The following CAP2 variants were observed in gnomAD, a reference collection of about 807,000 sequenced individuals.
CAP2 encodes the protein cyclase associated actin cytoskeleton regulatory protein 2, also known as adenylyl cyclase-associated protein 2.
CAP2 carries 24 observed loss-of-function variants against 57.7 expected under a neutral mutation model. That is an observed-to-expected ratio of 0.42 (90% CI 0.30 to 0.58). CAP2 has a LOEUF of 0.58. Among genes scored for constraint, CAP2 ranks in the 20% least tolerant of loss-of-function variants. The probability of loss-of-function intolerance (pLI) is 0.22; values close to 1 mark genes in which losing one functional copy is unlikely to be tolerated. For synonymous variants in CAP2, 194 were observed against 207.2 expected, an observed-to-expected ratio of 0.94 and a Z score of 0.55; for missense variants, 501 against 590.3, an observed-to-expected ratio of 0.85 and a Z score of 1.57.
At chr6:17,423,104 T>G (rs1561777840) in intron 2 of CAP2, among the ~76,000 whole-genome samples, 1 of 152,192 alleles carries the variant, frequency 6.6e-6, no homozygotes, top group Admixed American at 6.5e-5. Context: ...CAGGTTTTTT[T>G]GGGCTGAGAA....
chr6:17,461,936 T>C (rs1174054013), intron 3 of CAP2, among the ~76,000 whole-genome samples: 1 of 127,442 alleles, frequency 7.8e-6, no homozygotes, highest in Non-Finnish European at 1.5e-5. Flanking sequence ...GAGCTTGCAG[T>C]GAGCTGAGAT....
rs114351181 is a variant in CAP2 at position 17,503,320 on chromosome 6, C to G, written c.301-3849C>G. On this transcript the variant is annotated intron_variant, in intron 4 of 12. Coordinates refer to ENST00000229922, the MANE Select transcript of CAP2 (RefSeq NM_006366.3). Reference sequence around the variant, plus strand: ...TTCATCTCCTCTTCTTATAAAGACACCAGTCAGGCCGGGTGCCATAGCTCA... The same window carrying G: ...TTCATCTCCTCTTCTTATAAAGACAGCAGTCAGGCCGGGTGCCATAGCTCA... Among the ~76,000 whole-genome samples, 1,438 of 152,218 alleles carry G rather than the reference C, an allele frequency of 9.4e-3. 24 individuals carry two copies. The highest frequency in any genetic ancestry group is 0.032 in the African/African-American group (1,349 of 41,530).
In CAP2 at chr6:17,406,398, C is replaced by CTTT. The variant is rs777803474; in HGVS notation, c.-2+12665_-2+12667dup. On this transcript the variant is annotated intron_variant, in intron 1 of 12. Transcript: ENST00000229922. ...CTTTTCTGTCAGTAAGCCCAGATTT[C>CTTT]TTTTTTTTTTTTTTTGAGGCAGTCT... is the stretch of plus-strand genomic sequence containing the variant. 3.5e-4 allele frequency among the ~76,000 whole-genome samples: 36 copies of CTTT among 102,478 alleles called. 2 individuals are homozygous for CTTT. Among genetic ancestry groups the CTTT allele is most frequent in the Middle Eastern group, 9.5e-3 (2 of 210 alleles). 67.2% of individuals were successfully genotyped at this position (102,478 alleles called of 152,430 possible). A position where few individuals can be genotyped will look rare whatever the true frequency, so the allele number is the denominator to read the frequency against.
chr6:17,438,942 C>T (rs972444573), intron 3 of CAP2, among the ~76,000 whole-genome samples: 1 of 150,246 alleles, frequency 6.7e-6, no homozygotes, highest in African/African-American at 2.5e-5. Context: ...GAAACCCCGT[C>T]TCTACTAAAA....
At chr6:17,462,815 G>A (rs60962838) in intron 3 of CAP2, among the ~76,000 whole-genome samples, 181 bp from the exon 4 acceptor site, 15,724 of 152,098 alleles carry the variant, frequency 0.1, 2,601 homozygotes, top group African/African-American at 0.35. Flanking sequence ...ATGGATATTC[G>A]GGTTGTTCCC....
chr6:17,536,610 T>C (rs1762780537), intron 7 of CAP2, among the ~76,000 whole-genome samples: 1 of 152,226 alleles, frequency 6.6e-6, no homozygotes, highest in Admixed American at 6.5e-5. Flanking sequence ...CAGTGTCCTT[T>C]AATGGCTCTT....
At chr6:17,492,176 A>G (rs1761559330) in intron 4 of CAP2, among the ~76,000 whole-genome samples, 1 of 152,336 alleles carries the variant, frequency 6.6e-6, no homozygotes, top group African/African-American at 2.4e-5. Flanking sequence ...AATCTTCTAT[A>G]ATCAACCATG....
At chr6:17,534,341 C>A (rs556776323) in intron 7 of CAP2, among the ~76,000 whole-genome samples, 1 of 152,282 alleles carries the variant, frequency 6.6e-6, no homozygotes, top group African/African-American at 2.4e-5. Flanking sequence ...CAGATCCAAC[C>A]ATATAGCTTG....
At chr6:17,431,864 A>C (rs971884198) in intron 3 of CAP2, among the ~76,000 whole-genome samples, 2 of 152,050 alleles carry the variant, frequency 1.3e-5, no homozygotes, top group African/African-American at 4.8e-5. Flanking sequence ...TCGGTTTCCA[A>C]ATGAAGAGCT....
At chr6:17,405,978 C>T (rs185714723) in intron 1 of CAP2, among the ~76,000 whole-genome samples, 1 of 152,080 alleles carries the variant, frequency 6.6e-6, no homozygotes, top group Non-Finnish European at 1.5e-5. Context: ...TGGGCTCAAG[C>T]GATCTCCCTA....
intron 2 of CAP2, among the ~76,000 whole-genome samples, chr6:17,423,661 C>G (rs1759503135): frequency 6.6e-6 from 1 of 151,846 alleles, no homozygotes; most frequent in South Asian, 2.1e-4. Context: ...CTCACTTACT[C>G]AAAGAGGTAC....
intron 4 of CAP2, among the ~76,000 whole-genome samples, chr6:17,502,195 A>G (rs1164129764): frequency 6.6e-6 from 1 of 152,234 alleles, no homozygotes; most frequent in African/African-American, 2.4e-5. Flanking sequence ...ATTTTAATTG[A>G]CATCAATGCA....
chr6:17,499,485 C>G (rs896962932), intron 4 of CAP2, among the ~76,000 whole-genome samples: 3 of 151,754 alleles, frequency 2.0e-5, no homozygotes, highest in Non-Finnish European at 4.4e-5. Context: ...CGTAACTATC[C>G]AAAGCAATGC....
chr6:17,409,011 G>C (rs889016563), intron 1 of CAP2, among the ~76,000 whole-genome samples: 1 of 151,392 alleles, frequency 6.6e-6, no homozygotes, highest in Non-Finnish European at 1.5e-5. Context: ...TGGTGCTTTT[G>C]ATATCCCCCT....
At chr6:17,436,090 C>CTTTCTTTCTTTCTTTCT (rs1561782691) in intron 3 of CAP2, among the ~76,000 whole-genome samples, 6 of 63,888 alleles carry the variant, frequency 9.4e-5, no homozygotes, top group African/African-American at 2.0e-4. Flanking sequence ...TCTTTCTTTC[C>CTTTCTTTCTTTCTTTCT]TTCCTTCCTT....
chr6:17,439,103 T>C (rs1194509821), intron 3 of CAP2, among the ~76,000 whole-genome samples: 1 of 150,920 alleles, frequency 6.6e-6, no homozygotes, highest in African/African-American at 2.5e-5. Flanking sequence ...AGAGCGAGAC[T>C]CTGTCTTAAA....
intron 1 of CAP2, among the ~76,000 whole-genome samples, chr6:17,400,599 C>T (rs992671574): frequency 6.6e-6 from 1 of 152,100 alleles, no homozygotes; most frequent in African/African-American, 2.4e-5. Context: ...CACAGTGGCT[C>T]ATGCCTCTAA....
At chr6:17,449,657 C>T (rs1016087535) in intron 3 of CAP2, among the ~76,000 whole-genome samples, 1 of 152,084 alleles carries the variant, frequency 6.6e-6, no homozygotes, top group African/African-American at 2.4e-5. Context: ...GATCCACCCA[C>T]CTCGGCCTCC....
chr6:17,449,730 T>C (rs985896903), intron 3 of CAP2, among the ~76,000 whole-genome samples: 2 of 152,190 alleles, frequency 1.3e-5, no homozygotes. Flanking sequence ...AGTTATATAA[T>C]TATTTTCTCA....
Sources: gnomAD v4.1 joint callset for allele counts (sites outside exome capture counted in the v4.1 genomes callset) on GRCh38, gnomAD v4.1.1 for gene constraint, MANE v1.5 for transcripts, NCBI Gene and HGNC (gene_info 2026-07-23, HGNC 2026-07-21) for gene names.